The following SERINC5 variants were observed in gnomAD, a reference collection of about 807,000 sequenced individuals.
The protein encoded by SERINC5 is serine incorporator 5, also known as chromosome 5 open reading frame 12.
A neutral mutation model predicts 63.1 loss-of-function variants in SERINC5; 41 were observed. The observed-to-expected ratio is 0.65, with a 90% CI of 0.51 to 0.84. The LOEUF (loss-of-function observed/expected upper bound fraction) is 0.84. Among genes scored for constraint, SERINC5 ranks in the 40% least tolerant of loss-of-function variants. The pLI is 0.00. For synonymous variants in SERINC5, 222 were observed against 215.2 expected (o/e 1.03, Z -0.28); for missense variants, 523 against 573.0 (o/e 0.91, Z 0.89).
intron 1 of SERINC5, among the ~76,000 whole-genome samples, chr5:80,231,780 C>T (rs1370056919): frequency 6.6e-6 from 1 of 152,016 alleles, no homozygotes; most frequent in Non-Finnish European, 1.5e-5. Flanking sequence ...GAAGTTGGAC[C>T]CTTTCCCCAT....
intron 1 of SERINC5, among the ~76,000 whole-genome samples, chr5:80,227,224 T>C (rs541004224): frequency 6.6e-6 from 1 of 152,042 alleles, no homozygotes; most frequent in South Asian, 2.1e-4. Context: ...TCAGAAAAAA[T>C]TTTATAAGCT....
chr5:80,182,686 C>T lies in SERINC5; in HGVS notation c.196-4622G>A, dbSNP rs1748531052. Among the ~76,000 whole-genome samples, 3 of 151,928 alleles carry T rather than the reference C, an allele frequency of 2.0e-5. No individual in the cohort carries two copies. In the South Asian group the frequency reaches 6.2e-4, roughly 32 times the overall value. ...TCAGCCTCCAGAGTAGCTGGGATTA[C>T]AGGCGCCTGCCACCACGCCTGGCTA... On this transcript the variant is annotated intron_variant, in intron 2 of 11. Coordinates refer to ENST00000507668, the MANE Select transcript of SERINC5 (RefSeq NM_001174072.3).
intron 1 of SERINC5, among the ~76,000 whole-genome samples, chr5:80,221,402 G>A (rs1314151910): frequency 4.6e-5 from 7 of 152,070 alleles, no homozygotes; most frequent in Admixed American, 3.9e-4. Context: ...TTTCCCGTGC[G>A]ATCACACACG....
At chr5:80,177,253 G>A in intron 4 of SERINC5, 62 bp downstream of exon 4, 1 of 1,223,768 alleles carries the variant, frequency 8.2e-7, no homozygotes. Flanking sequence ...CTGCGCTTCT[G>A]AGCAATTTGA....
intron 7 of SERINC5, among the ~76,000 whole-genome samples, chr5:80,161,582 T>C (rs1274985041): frequency 6.6e-6 from 1 of 152,220 alleles, no homozygotes; most frequent in Non-Finnish European, 1.5e-5. Flanking sequence ...TTGAATTGTG[T>C]TCCTTGTAAA....
chr5:80,187,941 C>T (rs151277563), intron 2 of SERINC5, among the ~76,000 whole-genome samples: 2,448 of 152,228 alleles, frequency 0.016, 67 homozygotes, highest in African/African-American at 0.056. Context: ...TCCACAGATG[C>T]AGAACAGGAT....
intron 5 of SERINC5, among the ~76,000 whole-genome samples, chr5:80,170,873 G>A (rs1747605428): frequency 1.3e-5 from 2 of 152,118 alleles, no homozygotes; most frequent in African/African-American, 4.8e-5. Context: ...AGCATGTTGT[G>A]GTGCAAACTT....
chr5:80,141,751 G>A lies in SERINC5; in HGVS notation c.*1912C>T, dbSNP rs116113310. The A allele has an allele frequency of 2.5e-3, 2,472 of 985,306 alleles. 57 individuals are homozygous for A. In the African/African-American group the frequency reaches 0.04, roughly 16 times the overall value. The allele number at this position is 985,306 out of a possible 1,614,324, so 61.0% of individuals were successfully genotyped here. On this transcript the variant is annotated 3_prime_UTR_variant, in exon 12 of 12. Coordinates refer to ENST00000507668, the MANE Select transcript of SERINC5 (RefSeq NM_001174072.3). ...GTTAGAACACGGCTTTTCATTTTGC[G>A]ACTCCAGATGAATCTTTTAACTGCT... is the stretch of plus-strand genomic sequence containing the variant.
chr5:80,245,151 G>A (rs1752114399), intron 1 of SERINC5, among the ~76,000 whole-genome samples: 1 of 152,182 alleles, frequency 6.6e-6, no homozygotes, highest in Non-Finnish European at 1.5e-5. Context: ...TGTTTCTCAA[G>A]GTTCCAAGGT....
At chr5:80,234,538 GGAT>G (rs1751600069) in intron 1 of SERINC5, among the ~76,000 whole-genome samples, 1 of 151,976 alleles carries the variant, frequency 6.6e-6, no homozygotes, top group Non-Finnish European at 1.5e-5. Flanking sequence ...CAAAGGGCAG[GGAT>G]GATATCAAAA....
At chr5:80,245,188 G>GT (rs141308550) in intron 1 of SERINC5, among the ~76,000 whole-genome samples, 4,780 of 152,296 alleles carry the variant, frequency 0.031, 128 homozygotes, top group Admixed American at 0.048. Context: ...TACTACAGCT[G>GT]TTTTTTCCTG....
chr5:80,195,836 T>C (rs1749465143), intron 2 of SERINC5, among the ~76,000 whole-genome samples: 2 of 152,200 alleles, frequency 1.3e-5, no homozygotes, highest in Admixed American at 1.3e-4. Flanking sequence ...TGTATTCACC[T>C]ACAGTCACTA....
intron 5 of SERINC5, among the ~76,000 whole-genome samples, chr5:80,173,883 CAA>C (rs758560406): frequency 6.6e-6 from 1 of 151,594 alleles, no homozygotes; most frequent in Admixed American, 6.6e-5. Context: ...ACTAAAAATC[CAA>C]AAAAAGTCTT....
intron 1 of SERINC5, among the ~76,000 whole-genome samples, chr5:80,223,087 A>T (rs1270875913): frequency 6.6e-6 from 1 of 151,916 alleles, no homozygotes; most frequent in African/African-American, 2.4e-5. Flanking sequence ...GAACTCCTGG[A>T]CTCAGGCAAT....
At chr5:80,152,098 A>T (rs778274343) in intron 8 of SERINC5, among the ~76,000 whole-genome samples, 27 of 152,214 alleles carry the variant, frequency 1.8e-4, no homozygotes, top group Non-Finnish European at 3.7e-4. Flanking sequence ...GATGCATGCT[A>T]ATCCAGGCCC....
At chr5:80,194,658 A>G (rs1490432362) in intron 2 of SERINC5, among the ~76,000 whole-genome samples, 1 of 152,196 alleles carries the variant, frequency 6.6e-6, no homozygotes. Context: ...AAATGTAACT[A>G]AGCTAAGATC....
intron 8 of SERINC5, among the ~76,000 whole-genome samples, chr5:80,154,012 C>A (rs1580073605): frequency 6.6e-6 from 1 of 152,160 alleles, no homozygotes; most frequent in Non-Finnish European, 1.5e-5. Context: ...ATCACACATT[C>A]CGCCTCCCTG....
rs756558625 is a variant in SERINC5, at chr5:80,147,264, G to A, written c.1074C>T (p.Cys358=). The stretch of plus-strand genomic sequence containing the variant: ...GCTTACCCTCTCCACCAGGACTGAA[G>A]CAAAAACAACAGCGAGCTATCTGTG... ...PELEIARCCF[C]FSPGGEDTEE... The change falls in exon 10 of 12, where the codon TGC becomes TGT. Residue 358 remains cysteine, a synonymous_variant. Coordinates refer to ENST00000507668, the MANE Select transcript of SERINC5 (RefSeq NM_001174072.3). 6 of 1,605,350 alleles carry A rather than the reference G, an allele frequency of 3.7e-6. No individual in the cohort carries two copies. Among genetic ancestry groups the A allele is most frequent in the Non-Finnish European group, 5.1e-6 (6 of 1,176,424 alleles).
chr5:80,121,507 C>T (rs1744542211), intron 11 of SERINC5, among the ~76,000 whole-genome samples: 1 of 152,128 alleles, frequency 6.6e-6, no homozygotes, highest in Non-Finnish European at 1.5e-5. Flanking sequence ...CAGGCCCCAC[C>T]TCCAACACTG....
Sources: gnomAD v4.1 joint callset for allele counts (sites outside exome capture counted in the v4.1 genomes callset) on GRCh38, gnomAD v4.1.1 for gene constraint, MANE v1.5 for transcripts, NCBI Gene and HGNC (gene_info 2026-07-23, HGNC 2026-07-21) for gene names.